The following RYR2 variants were observed in gnomAD, a reference collection of about 807,000 sequenced individuals.
The protein encoded by RYR2 is cardiac muscle ryanodine receptor-calcium release channel.
Under a neutral mutation model 601.1 loss-of-function variants are expected in RYR2, and 227 were observed. That is an observed-to-expected ratio of 0.38 (90% CI 0.34 to 0.42). RYR2 has a LOEUF of 0.42. RYR2 is among the 10% of genes least tolerant of loss of function. The probability of loss-of-function intolerance (pLI) is 1.00; values close to 1 mark genes in which losing one functional copy is unlikely to be tolerated. For synonymous variants in RYR2, 2,223 were observed against 2,175.1 expected (o/e 1.02, Z -0.61); for missense variants, 4,646 against 6,156.5 (o/e 0.75, Z 8.21).
chr1:237,195,555 C>T (rs1680466572), intron 1 of RYR2, among the ~76,000 whole-genome samples: 1 of 152,170 alleles, frequency 6.6e-6, no homozygotes, highest in East Asian at 1.9e-4. Context: ...GCCTGAGCCA[C>T]CACACCAGGC....
chr1:237,562,383 G>C (rs1671545909), intron 27 of RYR2, among the ~76,000 whole-genome samples: 1 of 152,120 alleles, frequency 6.6e-6, no homozygotes, highest in African/African-American at 2.4e-5. Flanking sequence ...TGTAACTTAA[G>C]ATTTTAATGT....
intron 38 of RYR2, among the ~76,000 whole-genome samples, chr1:237,621,712 ATGG>A (rs1326573925): frequency 2.0e-5 from 3 of 152,228 alleles, no homozygotes; most frequent in Non-Finnish European, 4.4e-5. Flanking sequence ...GAAACATCAC[ATGG>A]TACCTCATAA....
rs10925350 is a variant in RYR2, at chr1:237,248,025, G to T, written c.49-22472G>T. Reference sequence around the variant, plus strand: ...ACGGTGGCTTATGCCTATAATCCCAGCACTTTGGGAGGCCAAGGTGGGCAG... The same window carrying T: ...ACGGTGGCTTATGCCTATAATCCCATCACTTTGGGAGGCCAAGGTGGGCAG... On this transcript the variant is annotated intron_variant, in intron 1 of 104. Coordinates refer to ENST00000366574, the MANE Select transcript of RYR2 (RefSeq NM_001035.3). 3.9e-3 allele frequency among the ~76,000 whole-genome samples: 594 copies of T among 152,168 alleles called. 5 individuals carry two copies. Among genetic ancestry groups the T allele is most frequent in the African/African-American group, 0.013 (533 of 41,524 alleles).
At chr1:237,677,956 A>C (rs993960084) in intron 60 of RYR2, 92 bp from the exon 61 acceptor site, 1 of 811,456 alleles carries the variant, frequency 1.2e-6, no homozygotes, top group Non-Finnish European at 2.1e-6. Context: ...GGGATAATAC[A>C]TTTAGCAATG....
chr1:237,790,946 G>A (rs1658310702), intron 92 of RYR2, among the ~76,000 whole-genome samples: 3 of 150,582 alleles, frequency 2.0e-5, no homozygotes, highest in Non-Finnish European at 1.5e-5. Context: ...TCTTCTCACT[G>A]TGTTTCCTTC....
At chr1:237,728,750 C>T (rs1433871463) in intron 76 of RYR2, among the ~76,000 whole-genome samples, 1 of 140,436 alleles carries the variant, frequency 7.1e-6, no homozygotes, top group African/African-American at 2.7e-5. Flanking sequence ...CACATGGATA[C>T]AGGGAGGGGA....
chr1:237,237,343 T>C (rs764522080), intron 1 of RYR2, among the ~76,000 whole-genome samples: 1 of 152,226 alleles, frequency 6.6e-6, no homozygotes, highest in African/African-American at 2.4e-5. Flanking sequence ...AGGAAATTAT[T>C]GATGAATATA....
intron 12 of RYR2, among the ~76,000 whole-genome samples, chr1:237,437,572 C>T (rs977507352): frequency 9.2e-5 from 14 of 152,002 alleles, no homozygotes; most frequent in African/African-American, 2.4e-4. Context: ...ATGATTCCTG[C>T]TGTCAAAAAG....
chr1:237,316,794 C>T (rs1245427044), intron 2 of RYR2, among the ~76,000 whole-genome samples: 2 of 152,090 alleles, frequency 1.3e-5, no homozygotes, highest in Admixed American at 1.3e-4. Flanking sequence ...TTACTTGCTT[C>T]TTTCCTGGGA....
rs534171507 is a variant in RYR2, at chr1:237,594,527, A to C, written c.4436+891A>C. On this transcript the variant is annotated intron_variant, in intron 33 of 104. Transcript: ENST00000366574. ...GGAATATTTTTTGGGGGCCATGCTTAATTTTCAGGGATGGCAACAGTATAA... is the reference window on the plus strand; with the variant it reads ...GGAATATTTTTTGGGGGCCATGCTTCATTTTCAGGGATGGCAACAGTATAA... 3.3e-5 allele frequency among the ~76,000 whole-genome samples: 5 copies of C among 152,320 alleles called. No individual in the cohort carries two copies. The South Asian group carries it at 1.0e-3, about 32-fold the overall frequency.
intron 1 of RYR2, among the ~76,000 whole-genome samples, chr1:237,253,168 A>G (rs1687635051): frequency 1.3e-5 from 2 of 150,056 alleles, no homozygotes; most frequent in African/African-American, 4.9e-5. Flanking sequence ...CGTCTCAAAA[A>G]AAAAAAAAAA....
chr1:237,740,561 T>C (rs1331182573), intron 79 of RYR2, among the ~76,000 whole-genome samples: 41 of 152,194 alleles, frequency 2.7e-4, no homozygotes, highest in Admixed American at 2.7e-3. Context: ...TAAAAACATA[T>C]CATTATAATC....
rs138305947 is a variant in RYR2 at position 237,180,341 on chromosome 1, C to G, written c.49-90156C>G. Among the ~76,000 whole-genome samples the G allele has an allele frequency of 6.6e-6, 1 of 152,210 alleles. No homozygotes were observed. Among genetic ancestry groups the G allele is most frequent in the East Asian group, 1.9e-4 (1 of 5,166 alleles). ...CTCCCTCTCCTTTCAGCTGTGGACA[C>G]TGGGCTGCTGGATGTGACTTGCATT... On this transcript the variant is annotated intron_variant, in intron 1 of 104. Coordinates refer to ENST00000366574, the MANE Select transcript of RYR2 (RefSeq NM_001035.3). This position sits in a 1 kb window ranked among gnomAD's most constrained non-coding sequence, Gnocchi z 5.3.
intron 101 of RYR2, among the ~76,000 whole-genome samples, chr1:237,825,039 T>A (rs1662937521): frequency 6.6e-6 from 1 of 152,114 alleles, no homozygotes; most frequent in African/African-American, 2.4e-5. Flanking sequence ...GGAAAAACAT[T>A]CCATGCTCAT....
intron 1 of RYR2, among the ~76,000 whole-genome samples, chr1:237,092,317 CT>C (rs1178805193): frequency 1.3e-5 from 2 of 152,116 alleles, no homozygotes; most frequent in Non-Finnish European, 2.9e-5. Flanking sequence ...ATTTTGATGC[CT>C]TATGAGTCCC....
At chr1:237,628,693 G>GTT (rs890870269) in intron 41 of RYR2, among the ~76,000 whole-genome samples, 2 of 150,852 alleles carry the variant, frequency 1.3e-5, no homozygotes, top group African/African-American at 4.9e-5. Context: ...ATCTTTCAGT[G>GTT]TTTTTTTTTA....
At chr1:237,151,322 G>A (rs1674684088) in intron 1 of RYR2, among the ~76,000 whole-genome samples, 3 of 152,100 alleles carry the variant, frequency 2.0e-5, no homozygotes, top group Admixed American at 2.0e-4. Flanking sequence ...GATATGTCAG[G>A]GTGGAATAAT....
At chr1:237,637,583 G>C (rs1001110847) in intron 44 of RYR2, among the ~76,000 whole-genome samples, 1 of 152,194 alleles carries the variant, frequency 6.6e-6, no homozygotes, top group African/African-American at 2.4e-5. Context: ...ATGTTTGACT[G>C]TGATCTTAGG....
chr1:237,215,777 G>T (rs1010588232), intron 1 of RYR2, among the ~76,000 whole-genome samples: 1 of 152,032 alleles, frequency 6.6e-6, no homozygotes, highest in African/African-American at 2.4e-5. Context: ...AATAGTTTGG[G>T]GGATCAATAC....
Sources: allele counts gnomAD v4.1 joint callset (sites outside exome capture counted in the v4.1 genomes callset), GRCh38; gene constraint gnomAD v4.1.1; non-coding constraint Gnocchi (gnomAD v3.1); transcripts MANE v1.5; gene names NCBI Gene and HGNC (gene_info 2026-07-23, HGNC 2026-07-21).